CAST: variants seen among roughly 807,000 people sequenced by gnomAD.
The protein encoded by CAST is calpastatin, also known as MIR583 host.
A neutral mutation model predicts 119.6 loss-of-function variants in CAST; 76 were observed. The observed-to-expected ratio is 0.64, with a 90% CI of 0.53 to 0.77. CAST has a LOEUF of 0.77. CAST is among the 30% of genes least tolerant of loss of function. The pLI, the probability that CAST is intolerant of heterozygous loss-of-function variation, is 0.00. For synonymous variants in CAST, 319 were observed against 331.6 expected (o/e 0.96, Z 0.41); for missense variants, 953 against 946.5 (o/e 1.01, Z -0.09).
chr5:96,208,864 C>A, the CAST span, among the ~76,000 whole-genome samples: 1 of 151,758 alleles, frequency 6.6e-6, no homozygotes, highest in Non-Finnish European at 1.5e-5. Flanking sequence ...GAGTTCAGGT[C>A]CTGAATATCT....
the CAST span, among the ~76,000 whole-genome samples, chr5:95,983,303 A>G: frequency 0.024 from 3,681 of 152,298 alleles, 147 homozygotes; most frequent in African/African-American, 0.083. Flanking sequence ...TGGTTGTTGC[A>G]AGAGGGCTCA....
intron 16 of CAST, among the ~76,000 whole-genome samples, chr5:96,745,126 A>G (rs1581235409): frequency 2.0e-5 from 3 of 152,218 alleles, no homozygotes; most frequent in South Asian, 2.1e-4. Flanking sequence ...GTGACCCTGG[A>G]TGTTCATGAA....
At position 96,557,534 on chromosome 5, in the gene CAST, C is replaced by T. The variant is rs182869501; in HGVS notation, c.60+27654C>T. ...AAAGATCTATCAAGCAAATGGAAAACGAAAAAAAGGCAGGGGTTGCAATCC... is the reference window on the plus strand; with the variant it reads ...AAAGATCTATCAAGCAAATGGAAAATGAAAAAAAGGCAGGGGTTGCAATCC... On this transcript the variant is annotated intron_variant, in intron 1 of 11. Coordinates refer to the CAST transcript ENST00000505143. Among the ~76,000 whole-genome samples, 522 of 150,232 alleles carry T rather than the reference C, an allele frequency of 3.5e-3. 5 individuals are homozygous for T. The highest frequency in any genetic ancestry group is 4.4e-3 in the Non-Finnish European group (297 of 66,836).
chr5:96,722,776 T>C, intron 4 of CAST, 78 bp downstream of exon 4: 1 of 989,750 alleles, frequency 1.0e-6, no homozygotes, highest in Non-Finnish European at 1.6e-6. Flanking sequence ...GACTAATTGT[T>C]GATGATGAGT....
At chr5:96,450,031 T>C in the CAST span, among the ~76,000 whole-genome samples, 2 of 152,162 alleles carry the variant, frequency 1.3e-5, no homozygotes, top group African/African-American at 2.4e-5. Context: ...AAAAATAGAA[T>C]TACCCTTTGA....
the CAST span, chr5:95,962,011 TG>T: frequency 2.4e-6 from 1 of 410,872 alleles, no homozygotes; most frequent in East Asian, 3.6e-5. Flanking sequence ...ACTAGAGTTT[TG>T]CTCCTGGGAC....
the CAST span, among the ~76,000 whole-genome samples, chr5:96,451,250 G>A: frequency 6.6e-6 from 1 of 152,142 alleles, no homozygotes; most frequent in Admixed American, 6.5e-5. Flanking sequence ...ATCTAACCCA[G>A]GGCTTAGCAC....
the CAST span, among the ~76,000 whole-genome samples, chr5:96,402,649 G>A: frequency 7.3e-3 from 1,116 of 152,214 alleles, 10 homozygotes; most frequent in African/African-American, 0.026. Flanking sequence ...GGAACAGGGC[G>A]AGTAAGTGTT....
intron 1 of CAST, among the ~76,000 whole-genome samples, chr5:96,586,928 C>G (rs559922591): frequency 1.3e-5 from 2 of 152,168 alleles, no homozygotes; most frequent in South Asian, 4.2e-4. Flanking sequence ...TTTTTATCTC[C>G]GTATTACAGA....
the CAST span, chr5:96,210,317 C>T: frequency 1.3e-5 from 2 of 151,954 alleles, no homozygotes; most frequent in Admixed American, 6.6e-5. Flanking sequence ...TTGCAAATTA[C>T]ACTTTAGTCT....
the CAST span, among the ~76,000 whole-genome samples, chr5:96,269,299 C>T: frequency 6.6e-6 from 1 of 152,074 alleles, no homozygotes; most frequent in Non-Finnish European, 1.5e-5. Flanking sequence ...AACAATGGAG[C>T]TTCCAAGTAT....
At chr5:96,418,464 T>C in the CAST span, among the ~76,000 whole-genome samples, 6 of 152,236 alleles carry the variant, frequency 3.9e-5, no homozygotes, top group Non-Finnish European at 8.8e-5. Context: ...TACAGATTTA[T>C]GCCAGCTTAA....
At chr5:96,379,324 T>G in the CAST span, among the ~76,000 whole-genome samples, 2 of 152,236 alleles carry the variant, frequency 1.3e-5, no homozygotes, top group Non-Finnish European at 2.9e-5. Flanking sequence ...TAGATTCATT[T>G]GCTATTTCTA....
chr5:96,148,482 G>A, the CAST span, among the ~76,000 whole-genome samples: 4 of 152,088 alleles, frequency 2.6e-5, no homozygotes, highest in Non-Finnish European at 4.4e-5. Flanking sequence ...TTCTAGGCAG[G>A]CAGTTTCTTT....
intron 24 of CAST, chr5:96,760,709 A>G (rs1767631833): frequency 6.6e-6 from 1 of 151,974 alleles, no homozygotes; most frequent in Non-Finnish European, 1.5e-5. Flanking sequence ...TGTAAACTAT[A>G]AAAGGAGAAA....
At chr5:96,279,988 C>T in the CAST span, among the ~76,000 whole-genome samples, 1 of 152,230 alleles carries the variant, frequency 6.6e-6, no homozygotes, top group African/African-American at 2.4e-5. Flanking sequence ...CAGGCAAACA[C>T]TAATGAAGTT....
At chr5:96,308,991 G>A in the CAST span, 1 of 152,290 alleles carries the variant, frequency 6.6e-6, no homozygotes, top group Non-Finnish European at 1.5e-5. Context: ...CACTGTGCTA[G>A]GATGTCCACT....
intron 1 of CAST, among the ~76,000 whole-genome samples, chr5:96,575,707 A>ATCACTGC (rs1429652327): frequency 6.6e-6 from 1 of 151,978 alleles, no homozygotes; most frequent in African/African-American, 2.4e-5. Flanking sequence ...CAGTGGCACA[A>ATCACTGC]TCACTGCTCA....
chr5:96,739,347 GAGGAC>G (rs1762245098), intron 11 of CAST, among the ~76,000 whole-genome samples: 2 of 152,190 alleles, frequency 1.3e-5, no homozygotes, highest in Non-Finnish European at 1.5e-5. Context: ...TTGTTCAATA[GAGGAC>G]AGGATAATAA....
Sources: gnomAD v4.1 joint callset for allele counts (sites outside exome capture counted in the v4.1 genomes callset) on GRCh38, gnomAD v4.1.1 for gene constraint, MANE v1.5 for transcripts, NCBI Gene and HGNC (gene_info 2026-07-23, HGNC 2026-07-21) for gene names.